EDIL3: variants seen among roughly 807,000 people sequenced by gnomAD.
EDIL3 encodes EGF like and discoidin domains 3, also known as EGF-like repeat and discoidin I-like domain-containing protein 3.
A neutral mutation model predicts 67.4 loss-of-function variants in EDIL3; 37 were observed. The observed-to-expected ratio is 0.55, with a 90% CI of 0.42 to 0.72. EDIL3 has a LOEUF of 0.72. Among genes scored for constraint, EDIL3 ranks in the 30% least tolerant of loss-of-function variants. EDIL3 has a pLI of 0.00. For missense variants in EDIL3, 527 were observed against 586.3 expected (o/e 0.90, Z 1.04); for synonymous variants, 195 against 196.3 (o/e 0.99, Z 0.05).
At chr5:84,230,873 C>T (rs919870032) in intron 2 of EDIL3, among the ~76,000 whole-genome samples, 1 of 151,022 alleles carries the variant, frequency 6.6e-6, no homozygotes. Context: ...ACACCGGAAC[C>T]TGCATTTTAA....
chr5:84,146,531 C>G (rs1390923119), intron 4 of EDIL3, among the ~76,000 whole-genome samples: 2 of 152,098 alleles, frequency 1.3e-5, no homozygotes, highest in African/African-American at 2.4e-5. Context: ...TGGCATTTCT[C>G]CTCTAGGTTA....
At chr5:84,271,611 C>G (rs765432308) in intron 1 of EDIL3, among the ~76,000 whole-genome samples, 2 of 152,040 alleles carry the variant, frequency 1.3e-5, no homozygotes, top group Non-Finnish European at 2.9e-5. Context: ...CTGAAATTTA[C>G]TTACCTCTGG....
chr5:84,372,000 C>A (rs1175701157), intron 1 of EDIL3, among the ~76,000 whole-genome samples: 2 of 151,980 alleles, frequency 1.3e-5, no homozygotes, highest in Non-Finnish European at 2.9e-5. Context: ...GGGAAAAGAA[C>A]TTTAGAGACT....
At chr5:84,299,873 T>G (rs1746122389) in intron 1 of EDIL3, among the ~76,000 whole-genome samples, 1 of 152,224 alleles carries the variant, frequency 6.6e-6, no homozygotes, top group Non-Finnish European at 1.5e-5. Flanking sequence ...GCAATCATTA[T>G]CAGCCCATAA....
intron 9 of EDIL3, among the ~76,000 whole-genome samples, chr5:84,009,804 A>T (rs1035826341): frequency 1.3e-5 from 2 of 152,158 alleles, no homozygotes; most frequent in Admixed American, 6.6e-5. Context: ...TGGTTGTGGG[A>T]AGAAAGAACT....
At chr5:84,130,276 C>A (rs1747940374) in intron 5 of EDIL3, among the ~76,000 whole-genome samples, 1 of 152,076 alleles carries the variant, frequency 6.6e-6, no homozygotes, top group Non-Finnish European at 1.5e-5. Context: ...TCTGTATATT[C>A]TATGAGAGTA....
At chr5:84,065,339 T>G (rs1465987892) in intron 7 of EDIL3, among the ~76,000 whole-genome samples, 2 of 152,190 alleles carry the variant, frequency 1.3e-5, no homozygotes, top group African/African-American at 2.4e-5. Flanking sequence ...ACCAGTCCCA[T>G]GTACTTGGAT....
At chr5:84,154,051 G>T (rs1342261755) in intron 4 of EDIL3, among the ~76,000 whole-genome samples, 5 of 152,160 alleles carry the variant, frequency 3.3e-5, no homozygotes, top group African/African-American at 1.2e-4. Flanking sequence ...ATCATTCAGA[G>T]ATCCAAGCTG....
chr5:84,372,510 A>C lies in EDIL3; in HGVS notation c.67+11798T>G, dbSNP rs537088952. Among the ~76,000 whole-genome samples, 195 of 152,316 alleles carry C rather than the reference A, an allele frequency of 1.3e-3. 1 individual carries two copies. Among genetic ancestry groups the C allele is most frequent in the African/African-American group, 4.3e-3 (178 of 41,588 alleles). ...ACATTCCTAGTAACCTAAACTATGC[A>C]GACTTCAAAATACGTAGAGGGCCAT... On this transcript the variant is annotated intron_variant, in intron 1 of 10. Coordinates refer to ENST00000296591, the MANE Select transcript of EDIL3 (RefSeq NM_005711.5).
intron 9 of EDIL3, among the ~76,000 whole-genome samples, chr5:84,011,271 A>C (rs1745512936): frequency 6.6e-6 from 1 of 152,180 alleles, no homozygotes; most frequent in Non-Finnish European, 1.5e-5. Context: ...GCAATCGGCC[A>C]AAAAACTTGA....
chr5:84,278,573 T>C (rs1745633515), intron 1 of EDIL3, among the ~76,000 whole-genome samples: 1 of 152,106 alleles, frequency 6.6e-6, no homozygotes, highest in Non-Finnish European at 1.5e-5. Flanking sequence ...ATAGAAAAAA[T>C]GTCTGACATG....
chr5:83,943,478 A>C lies in EDIL3; in HGVS notation c.1384T>G (p.Ser462Ala). 6.2e-7 allele frequency: 1 copy of C among 1,612,806 alleles called. No homozygotes were observed. The highest frequency in any genetic ancestry group is 8.5e-7 in the Non-Finnish European group (1 of 1,179,248). ...YARHIRILPW[S>A]WYGRITLRSE... ...CGCAATGTGATCCTCCCGTACCAGG[A>C]CCAAGGAAGGATTCTTATGTGTCGT... is the stretch of plus-strand genomic sequence containing the variant. Residue 462 changes from serine to alanine, a missense_variant, in exon 11 of 11, where the codon TCC becomes GCC. Coordinates refer to ENST00000296591, the MANE Select transcript of EDIL3 (RefSeq NM_005711.5).
intron 9 of EDIL3, among the ~76,000 whole-genome samples, chr5:84,003,119 G>A (rs779127166): frequency 1.1e-4 from 17 of 152,156 alleles, no homozygotes; most frequent in Admixed American, 2.0e-4. Flanking sequence ...CCAGGACACC[G>A]CAGCCACACT....
chr5:84,091,625 G>A (rs1187537310), intron 6 of EDIL3, among the ~76,000 whole-genome samples: 1 of 152,186 alleles, frequency 6.6e-6, no homozygotes, highest in Non-Finnish European at 1.5e-5. Context: ...AGTGTCTGCT[G>A]TGGACATAAG....
rs2112269789 is a variant in EDIL3, at chr5:84,093,194, T to C, written c.651+13455A>G. 2.0e-5 allele frequency among the ~76,000 whole-genome samples: 3 copies of C among 152,246 alleles called. No individual in the cohort carries two copies. The Middle Eastern group carries it at 0.01, about 518-fold the overall frequency. On this transcript the variant is annotated intron_variant, in intron 6 of 10. Transcript: ENST00000296591. ...CAAATACTATCTTTCTCCTTTTTTT[T>C]TTTTGTTCAGTATTCCCTATTCTTC...
At chr5:84,356,281 C>T (rs1319699489) in intron 1 of EDIL3, among the ~76,000 whole-genome samples, 1 of 152,188 alleles carries the variant, frequency 6.6e-6, no homozygotes, top group Non-Finnish European at 1.5e-5. Flanking sequence ...TTTAGTTGTT[C>T]TTTCAGACAA....
intron 4 of EDIL3, among the ~76,000 whole-genome samples, chr5:84,152,237 G>A (rs1417067518): frequency 1.3e-5 from 2 of 152,148 alleles, no homozygotes; most frequent in East Asian, 3.9e-4. Flanking sequence ...CTTCTGTGAA[G>A]GATATAACTT....
chr5:83,992,986 C>G (rs1414989771), intron 9 of EDIL3, among the ~76,000 whole-genome samples: 1 of 152,000 alleles, frequency 6.6e-6, no homozygotes, highest in African/African-American at 2.4e-5. Context: ...CAAGATACTG[C>G]TGAAGTACCT....
rs896413111 is a variant in EDIL3 at position 84,263,418 on chromosome 5, A to C, written c.68-9206T>G. ...TCAGTGCCAGCCTGAAGTAGGTTAA[A>C]GAATCAAAGGGGTAGGTGTATTAGA... On this transcript the variant is annotated intron_variant, in intron 1 of 10. Transcript: ENST00000296591. 2.0e-5 allele frequency among the ~76,000 whole-genome samples: 3 copies of C among 152,190 alleles called. No individual in the cohort carries two copies. In the East Asian group the frequency reaches 5.8e-4, roughly 29 times the overall value.
Sources: gnomAD v4.1 joint callset for allele counts (sites outside exome capture counted in the v4.1 genomes callset) on GRCh38, gnomAD v4.1.1 for gene constraint, MANE v1.5 for transcripts, NCBI Gene and HGNC (gene_info 2026-07-23, HGNC 2026-07-21) for gene names.